Variants in ASPH observed in about 807,000 individuals in gnomAD.
ASPH encodes the protein aspartate beta-hydroxylase.
In ASPH, 100 loss-of-function variants were observed where a neutral mutation model predicts 118.4. The ratio of observed to expected loss-of-function variants is 0.84; its 90% confidence interval spans 0.72 to 1.00. The LOEUF (loss-of-function observed/expected upper bound fraction) is 1.00, where lower values mean the gene tolerates loss of function less well. Ranked by LOEUF, ASPH falls within the 50% of genes least tolerant of loss-of-function variation. ASPH has a pLI of 0.00. For synonymous variants in ASPH, 315 were observed against 325.6 expected (o/e 0.97, Z 0.35); for missense variants, 920 against 919.5 (o/e 1.00, Z -0.01).
At chr8:61,614,593 G>A (rs1848447723) in intron 14 of ASPH, among the ~76,000 whole-genome samples, 2 of 152,064 alleles carry the variant, frequency 1.3e-5, no homozygotes, top group African/African-American at 2.4e-5. Context: ...TCAGACTCCC[G>A]AGTAGCTGGG....
At chr8:61,554,006 G>A (rs1015714516) in intron 19 of ASPH, among the ~76,000 whole-genome samples, 5 of 152,202 alleles carry the variant, frequency 3.3e-5, no homozygotes, top group African/African-American at 1.2e-4. Context: ...GAGCTGTGGC[G>A]AGGGCTTCTA....
intron 2 of ASPH, chr8:61,682,626 G>T (rs1428932438): frequency 1.4e-6 from 1 of 724,192 alleles, no homozygotes; most frequent in African/African-American, 1.8e-5. Flanking sequence ...TTTGTCTCCA[G>T]ACTAAAATTC....
intron 3 of ASPH, among the ~76,000 whole-genome samples, chr8:61,674,517 C>T (rs746380273): frequency 6.6e-6 from 1 of 152,154 alleles, no homozygotes; most frequent in Non-Finnish European, 1.5e-5. Context: ...GTCATTTAAA[C>T]TTTAAGAGAT....
chr8:61,682,502 A>G (rs1459256826), intron 2 of ASPH: 1 of 1,608,124 alleles, frequency 6.2e-7, no homozygotes, highest in Non-Finnish European at 8.5e-7. Flanking sequence ...ATGTAAAAAC[A>G]TGAAAACTGT....
chr8:61,662,683 G>A (rs898307723), intron 3 of ASPH: 1 of 250,526 alleles, frequency 4.0e-6, no homozygotes, highest in African/African-American at 2.3e-5. Context: ...AAAAGAGAAG[G>A]GGAAAAGAAG....
chr8:61,583,113 C>T (rs989475120), intron 15 of ASPH: 3 of 152,056 alleles, frequency 2.0e-5, no homozygotes, highest in African/African-American at 7.2e-5. Context: ...ACTGGAGGTG[C>T]ATGAGGTTAA....
chr8:61,528,702 T>C (rs1050259793), intron 21 of ASPH, among the ~76,000 whole-genome samples: 4 of 152,202 alleles, frequency 2.6e-5, no homozygotes, highest in African/African-American at 4.8e-5. Flanking sequence ...AGACTATCTT[T>C]TATATATGAA....
At chr8:61,571,837 C>A (rs1196832135) in intron 16 of ASPH, among the ~76,000 whole-genome samples, 2 of 152,152 alleles carry the variant, frequency 1.3e-5, no homozygotes, top group Non-Finnish European at 1.5e-5. Context: ...TGACTTAATA[C>A]TAGTGATAAA....
chr8:61,653,690 G>A (rs1812240362), intron 3 of ASPH, 30 bp from the exon 4 acceptor site: 4 of 1,603,020 alleles, frequency 2.5e-6, no homozygotes, highest in Non-Finnish European at 3.4e-6. Flanking sequence ...AAGTTAACTT[G>A]AGTTTTTGTG....
intron 13 of ASPH, chr8:61,632,981 C>G: frequency 5.9e-6 from 1 of 169,652 alleles, no homozygotes; most frequent in Non-Finnish European, 1.3e-5. Context: ...GTAGGATTTT[C>G]CAAATCCTGT....
intron 15 of ASPH, among the ~76,000 whole-genome samples, chr8:61,582,326 TA>T (rs1837814012): frequency 6.6e-6 from 1 of 152,206 alleles, no homozygotes; most frequent in South Asian, 2.1e-4. Context: ...AAGCTGCTCA[TA>T]TGTTTTTTAC....
At chr8:61,585,351 G>C (rs1466299534) in intron 14 of ASPH, among the ~76,000 whole-genome samples, 1 of 152,202 alleles carries the variant, frequency 6.6e-6, no homozygotes, top group Non-Finnish European at 1.5e-5. Flanking sequence ...TTCTGGAGAA[G>C]GGGAGTGGTG....
chr8:61,551,612 G>C (rs762382556), intron 20 of ASPH, among the ~76,000 whole-genome samples: 1 of 152,158 alleles, frequency 6.6e-6, no homozygotes, highest in African/African-American at 2.4e-5. Flanking sequence ...TTGAAGTAAC[G>C]GCTGTTTTCA....
At chr8:61,614,886 C>T (rs886675305) in intron 14 of ASPH, among the ~76,000 whole-genome samples, 1 of 152,196 alleles carries the variant, frequency 6.6e-6, no homozygotes, top group African/African-American at 2.4e-5. Flanking sequence ...AACCAGCACT[C>T]ACCACTTCTA....
chr8:61,689,299 A>G (rs746084815), intron 1 of ASPH, among the ~76,000 whole-genome samples: 4 of 152,104 alleles, frequency 2.6e-5, no homozygotes, highest in African/African-American at 7.2e-5. Context: ...ATGAGACTGA[A>G]TTTATATCTC....
rs10113315 is a variant in ASPH at position 61,673,570 on chromosome 8, A to G, written c.322+7398T>C. Among the ~76,000 whole-genome samples the G allele has an allele frequency of 5.9e-3, 900 of 152,330 alleles. 9 individuals are homozygous for G. The highest frequency in any genetic ancestry group is 0.019 in the African/African-American group (795 of 41,590). ...TAAATACAGTATAACTTAAAATTCC[A>G]TAACTATATAAACATTCAAATTAAT... On this transcript the variant is annotated intron_variant, in intron 3 of 24. Coordinates refer to ENST00000379454, the MANE Select transcript of ASPH (RefSeq NM_004318.4).
intron 14 of ASPH, among the ~76,000 whole-genome samples, chr8:61,599,710 A>C (rs1344190729): frequency 6.6e-6 from 1 of 152,158 alleles, no homozygotes; most frequent in African/African-American, 2.4e-5. Context: ...AACCACCAAG[A>C]TTGAACTAGG....
rs1229591218 is a variant in ASPH at position 61,511,757 on chromosome 8, C to T, written c.2126+5771G>A. On this transcript the variant is annotated intron_variant, in intron 24 of 24. Transcript: ENST00000379454. Reference sequence around the variant, plus strand: ...TAGCTGGGATTACAGGCATTAGCCACCATGCCCGGCTAATTTTTGTATTTT... The same window carrying T: ...TAGCTGGGATTACAGGCATTAGCCATCATGCCCGGCTAATTTTTGTATTTT... 2.0e-5 allele frequency among the ~76,000 whole-genome samples: 3 copies of T among 152,162 alleles called. No homozygotes were observed. In the East Asian group the frequency reaches 5.8e-4, roughly 29 times the overall value.
At chr8:61,537,307 T>C (rs1051477396) in intron 21 of ASPH, among the ~76,000 whole-genome samples, 1 of 152,208 alleles carries the variant, frequency 6.6e-6, no homozygotes, top group African/African-American at 2.4e-5. Context: ...AAACTTTATG[T>C]GTATATAAGC....
Sources: gnomAD v4.1 joint callset for allele counts (sites outside exome capture counted in the v4.1 genomes callset) on GRCh38, gnomAD v4.1.1 for gene constraint, MANE v1.5 for transcripts, NCBI Gene and HGNC (gene_info 2026-07-23, HGNC 2026-07-21) for gene names.